The following LRMDA variants were observed in gnomAD, a reference collection of about 807,000 sequenced individuals.
LRMDA encodes leucine rich melanocyte differentiation associated.
In LRMDA, 18 loss-of-function variants were observed where a neutral mutation model predicts 29.8. That is an observed-to-expected ratio of 0.60 (90% CI 0.42 to 0.90). The LOEUF is 0.90. Among genes scored for constraint, LRMDA ranks in the 40% least tolerant of loss-of-function variants. The pLI is 0.00. For missense variants in LRMDA, 273 were observed against 273.9 expected, an observed-to-expected ratio of 1.00 and a Z score of 0.02; for synonymous variants, 125 against 109.4, an observed-to-expected ratio of 1.14 and a Z score of -0.89.
intron 2 of LRMDA, among the ~76,000 whole-genome samples, chr10:75,847,460 G>A (rs1327468040): frequency 6.6e-6 from 1 of 152,060 alleles, no homozygotes; most frequent in Non-Finnish European, 1.5e-5. Context: ...AATGATATTG[G>A]ATATGACACC....
intron 2 of LRMDA, among the ~76,000 whole-genome samples, chr10:75,786,824 T>A (rs1052175287): frequency 5.9e-5 from 9 of 152,340 alleles, no homozygotes; most frequent in African/African-American, 2.2e-4. Context: ...ATGCTTAATA[T>A]CTCTTCCATA....
At chr10:76,305,434 C>T (rs1313419532) in intron 5 of LRMDA, among the ~76,000 whole-genome samples, 1 of 152,100 alleles carries the variant, frequency 6.6e-6, no homozygotes, top group Non-Finnish European at 1.5e-5. Flanking sequence ...TTCTTTCTTT[C>T]ATGGTCAGGA....
At chr10:76,315,234 A>G (rs1482588953) in intron 5 of LRMDA, among the ~76,000 whole-genome samples, 1 of 152,224 alleles carries the variant, frequency 6.6e-6, no homozygotes, top group East Asian at 1.9e-4. Flanking sequence ...GCCGCTTCGA[A>G]GATTAGCTTC....
At chr10:76,089,078 C>T (rs1247590824) in intron 5 of LRMDA, among the ~76,000 whole-genome samples, 1 of 152,198 alleles carries the variant, frequency 6.6e-6, no homozygotes, top group Non-Finnish European at 1.5e-5. Flanking sequence ...ATTCTTTATA[C>T]AGGATTGTAG....
chr10:75,664,802 C>A (rs1841799735), intron 2 of LRMDA, among the ~76,000 whole-genome samples: 1 of 152,174 alleles, frequency 6.6e-6, no homozygotes, highest in Admixed American at 6.6e-5. Flanking sequence ...TGAAATCTAC[C>A]TGAATATCTG....
chr10:76,412,180 T>G (rs930901726), intron 6 of LRMDA, among the ~76,000 whole-genome samples: 8 of 152,200 alleles, frequency 5.3e-5, no homozygotes, highest in African/African-American at 1.7e-4. Flanking sequence ...TCTTGCCTTA[T>G]TTTGGAGGAA....
intron 6 of LRMDA, among the ~76,000 whole-genome samples, chr10:76,378,863 T>C (rs979075698): frequency 6.9e-6 from 1 of 144,726 alleles, no homozygotes; most frequent in East Asian, 2.0e-4. Context: ...TTTTTCTTTT[T>C]TTTTTTTTTT....
At chr10:76,472,465 T>G (rs1842627859) in intron 6 of LRMDA, among the ~76,000 whole-genome samples, 1 of 151,600 alleles carries the variant, frequency 6.6e-6, no homozygotes, top group South Asian at 2.1e-4. Flanking sequence ...AGAAAAGAGT[T>G]ATCTATTCAA....
At chr10:75,468,802 A>G (rs745790269) in intron 2 of LRMDA, among the ~76,000 whole-genome samples, 3 of 152,074 alleles carry the variant, frequency 2.0e-5, no homozygotes, top group Non-Finnish European at 4.4e-5. Context: ...GCGGCCGTCC[A>G]GCCTGTGGCC....
intron 6 of LRMDA, among the ~76,000 whole-genome samples, chr10:76,347,775 T>A (rs1174982124): frequency 2.0e-5 from 3 of 152,174 alleles, no homozygotes; most frequent in Non-Finnish European, 2.9e-5. Flanking sequence ...ATGGGTCACA[T>A]GCAATTTAAG....
At chr10:75,658,214 GCAAAGC>G (rs1314382545) in intron 2 of LRMDA, among the ~76,000 whole-genome samples, 1 of 149,280 alleles carries the variant, frequency 6.7e-6, no homozygotes, top group Non-Finnish European at 1.5e-5. Context: ...AATGAAACGT[GCAAAGC>G]CTTTTTCACT....
chr10:76,173,746 C>T (rs552183130), intron 5 of LRMDA, among the ~76,000 whole-genome samples: 1 of 152,242 alleles, frequency 6.6e-6, no homozygotes, highest in Non-Finnish European at 1.5e-5. Flanking sequence ...CTACAACCTC[C>T]GCCTCCTGGG....
At chr10:76,405,330 T>A (rs141311634) in intron 6 of LRMDA, among the ~76,000 whole-genome samples, 1 of 152,314 alleles carries the variant, frequency 6.6e-6, no homozygotes, top group Admixed American at 6.5e-5. Context: ...GGTCTCCTTT[T>A]GTACCTGAGG....
chr10:76,402,691 G>A (rs1841861805), intron 6 of LRMDA, among the ~76,000 whole-genome samples: 1 of 152,164 alleles, frequency 6.6e-6, no homozygotes, highest in Non-Finnish European at 1.5e-5. Context: ...ACTGGCCATA[G>A]TGAGGACACA....
At chr10:76,495,451 C>A (rs143554997) in intron 6 of LRMDA, among the ~76,000 whole-genome samples, 1 of 151,786 alleles carries the variant, frequency 6.6e-6, no homozygotes, top group East Asian at 1.9e-4. Flanking sequence ...AGAGAGATTT[C>A]TCCCACTTTA....
At chr10:75,510,036 A>G (rs1465006521) in intron 2 of LRMDA, among the ~76,000 whole-genome samples, 1 of 152,242 alleles carries the variant, frequency 6.6e-6, no homozygotes, top group East Asian at 1.9e-4. Context: ...AGTACCTGGC[A>G]CAGAAGAGGC....
At chr10:75,481,568 A>G (rs1340302716) in intron 2 of LRMDA, among the ~76,000 whole-genome samples, 1 of 152,218 alleles carries the variant, frequency 6.6e-6, no homozygotes, top group East Asian at 1.9e-4. Flanking sequence ...AGCCATCGTC[A>G]TCTGTCACCT....
chr10:75,488,503 C>T (rs1024459436), intron 2 of LRMDA, among the ~76,000 whole-genome samples: 2 of 152,194 alleles, frequency 1.3e-5, no homozygotes, highest in African/African-American at 4.8e-5. Context: ...CTAGCTTACC[C>T]TTCCCTTTGT....
intron 2 of LRMDA, among the ~76,000 whole-genome samples, chr10:75,738,271 G>T (rs1281770664): frequency 6.6e-6 from 1 of 151,816 alleles, no homozygotes; most frequent in Non-Finnish European, 1.5e-5. Flanking sequence ...GCTGGTGCTG[G>T]CCCCAAATCA....
Sources: allele counts gnomAD v4.1 joint callset (sites outside exome capture counted in the v4.1 genomes callset), GRCh38; gene constraint gnomAD v4.1.1; transcripts MANE v1.5; gene names NCBI Gene and HGNC (gene_info 2026-07-23, HGNC 2026-07-21).